GJC3: variants seen among roughly 807,000 people sequenced by gnomAD.
The protein encoded by GJC3 is gap junction protein gamma 3.
GJC3 carries 17 observed loss-of-function variants against 19.8 expected under a neutral mutation model. The observed-to-expected ratio is 0.86, with a 90% confidence interval of 0.59 to 1.29. The LOEUF is 1.29. Ranked by LOEUF, GJC3 falls within the 50% of genes most tolerant of loss-of-function variation. The pLI, the probability that GJC3 is intolerant of heterozygous loss-of-function variation, is 0.00. For missense variants in GJC3, 317 were observed against 332.5 expected (o/e 0.95, Z 0.36); for synonymous variants, 140 against 136.5 (o/e 1.03, Z -0.18).
chr7:99,929,087 T>A lies in GJC3; in HGVS notation c.534A>T (p.Ile178=). ...CAGAGGGGCGGGACAGATTGCAGGT[T>A]ATACTACCAAGGCAAGGTTCTCGGC... The part of the protein sequence containing the change: ...ACRREPCLGS[I]TCNLSRPSEK... Residue 178 remains isoleucine (I), a synonymous_variant, in exon 1 of 2, where the codon ATA becomes ATT. Coordinates refer to ENST00000312891, the MANE Select transcript of GJC3 (RefSeq NM_181538.3). 3.1e-6 allele frequency: 5 copies of A among 1,613,972 alleles called. No homozygotes were observed. Among genetic ancestry groups the A allele is most frequent in the Non-Finnish European group, 4.2e-6 (5 of 1,180,020 alleles).
chr7:99,929,030 T>C lies in GJC3; in HGVS notation c.591A>G (p.Gly197=). The stretch of plus-strand genomic sequence containing the variant: ...TAAACAAGAGACAGAAACCGCTGAC[T>C]CCAAACATGGTCTTTAGGAAAATGG... The part of the protein sequence containing the change: ...EKTIFLKTMF[G]VSGFCLLFTF... Residue 197 remains glycine, a synonymous_variant, in exon 1 of 2, where the codon GGA becomes GGG. Transcript: ENST00000312891. 1 of 1,614,098 alleles carries C rather than the reference T, an allele frequency of 6.2e-7. No homozygotes were observed.
chr7:99,924,122 G>T (rs200379913), intron 1 of GJC3, among the ~76,000 whole-genome samples: 1 of 152,168 alleles, frequency 6.6e-6, no homozygotes, highest in African/African-American at 2.4e-5. Context: ...TACAAAAACC[G>T]TCATCACATC....
At position 99,929,589 on chromosome 7, in the gene GJC3, GC is replaced by G. The variant is rs1472911086; in HGVS notation, c.31del (p.Ala11ArgfsTer89). MCGRFLRRLL[A>X]EESRRSTPVG... ...GGGGGTGGAGCGCCGGCTCTCCTCC[GC>G]CAGCAGCCGCCGCAGGAACCTGCCA... is the stretch of plus-strand genomic sequence containing the variant. On this transcript the variant is annotated frameshift_variant, in exon 1 of 2. Coordinates refer to ENST00000312891, the MANE Select transcript of GJC3 (RefSeq NM_181538.3). LOFTEE classifies it high-confidence loss of function. 2 of 1,608,458 alleles carry G rather than the reference GC, an allele frequency of 1.2e-6. No homozygotes were observed. The highest frequency in any genetic ancestry group is 2.2e-5 in the South Asian group (2 of 91,004).
At chr7:99,924,066 T>G (rs75126895) in intron 1 of GJC3, among the ~76,000 whole-genome samples, 1 of 152,080 alleles carries the variant, frequency 6.6e-6, no homozygotes, top group Admixed American at 6.5e-5. Flanking sequence ...AGAGAAGTAA[T>G]AGAAAATACA....
At chr7:99,930,333 T>C (rs749553439), upstream of GJC3, among the ~76,000 whole-genome samples, 14 of 152,142 alleles carry the variant, frequency 9.2e-5, no homozygotes, top group Non-Finnish European at 1.6e-4. Flanking sequence ...CCAGCAGAAT[T>C]TACCAGAATT....
At chr7:99,924,015 G>A (rs1819740440) in intron 1 of GJC3, among the ~76,000 whole-genome samples, 1 of 152,176 alleles carries the variant, frequency 6.6e-6, no homozygotes, top group South Asian at 2.1e-4. Flanking sequence ...GAATTATCAA[G>A]ACTATAAAGC....
At chr7:99,927,655 A>G (rs1243352775) in intron 1 of GJC3, among the ~76,000 whole-genome samples, 2 of 152,010 alleles carry the variant, frequency 1.3e-5, no homozygotes, top group East Asian at 3.8e-4. Context: ...AAAAAGGGAT[A>G]GAACAACACT....
rs149250258 is a variant in GJC3 at position 99,928,202 on chromosome 7, G to T, written c.781+638C>A. On this transcript the variant is annotated intron_variant, in intron 1 of 1. Coordinates refer to ENST00000312891, the MANE Select transcript of GJC3 (RefSeq NM_181538.3). ...GAGACAGGAAGGGGCATTATCTTCA[G>T]CAACAGGAATGCCAACAGCAGTCAT... Among the ~76,000 whole-genome samples, 1,145 of 152,342 alleles carry T rather than the reference G, an allele frequency of 7.5e-3. 15 individuals carry two copies. The highest frequency in any genetic ancestry group is 0.025 in the African/African-American group (1,052 of 41,580).
At chr7:99,929,632 G>T (rs998937182), upstream of GJC3, 2 of 1,595,426 alleles carry the variant, frequency 1.3e-6, no homozygotes, top group East Asian at 4.5e-5. Context: ...CTGTTTTGGA[G>T]CAGAGGACAA....
rs765434083 is a variant in GJC3 at position 99,929,055 on chromosome 7, G to A, written c.566C>T (p.Thr189Ile). Residue 189 changes from threonine to isoleucine, a missense_variant, in exon 1 of 2, where the codon ACC (threonine) becomes ATC (isoleucine). Transcript: ENST00000312891. ...TCNLSRPSEK[T>I]IFLKTMFGVS... is the part of the protein sequence containing the mutation. ...TCCAAACATGGTCTTTAGGAAAATGGTCTTCTCAGAGGGGCGGGACAGATT... is the reference window on the plus strand; with the variant it reads ...TCCAAACATGGTCTTTAGGAAAATGATCTTCTCAGAGGGGCGGGACAGATT... 1 of 1,614,130 alleles carries A rather than the reference G, an allele frequency of 6.2e-7. No individual in the cohort carries two copies. The highest frequency in any genetic ancestry group is 8.5e-7 in the Non-Finnish European group (1 of 1,180,030).
At chr7:99,924,515 G>T (rs1258708564) in intron 1 of GJC3, among the ~76,000 whole-genome samples, 1 of 152,176 alleles carries the variant, frequency 6.6e-6, no homozygotes, top group Non-Finnish European at 1.5e-5. Context: ...TTGAACCTGG[G>T]AGGCAGAGAT....
At chr7:99,926,699 T>C (rs1819807124) in intron 1 of GJC3, among the ~76,000 whole-genome samples, 1 of 151,836 alleles carries the variant, frequency 6.6e-6, no homozygotes, top group African/African-American at 2.4e-5. Flanking sequence ...CATGAGGGGG[T>C]AGGGTTTTTT....
intron 1 of GJC3, 97 bp from the exon 2 acceptor site, chr7:99,923,700 T>C: frequency 1.4e-6 from 1 of 724,952 alleles, no homozygotes; most frequent in Admixed American, 2.0e-5. Context: ...ACACTTTAGG[T>C]GCCACCCATG....
intron 1 of GJC3, among the ~76,000 whole-genome samples, chr7:99,926,729 T>C (rs1819808378): frequency 6.6e-6 from 1 of 152,168 alleles, no homozygotes; most frequent in Admixed American, 6.5e-5. Context: ...GAAAATGTTA[T>C]TAAATTGGTA....
intron 1 of GJC3, among the ~76,000 whole-genome samples, chr7:99,924,280 G>A (rs1401101268): frequency 6.6e-6 from 1 of 152,078 alleles, no homozygotes; most frequent in Non-Finnish European, 1.5e-5. Flanking sequence ...GTCACTATGT[G>A]CAGCCCATGC....
At position 99,929,125 on chromosome 7, in the gene GJC3, A is replaced by T. The variant is rs1246441966; in HGVS notation, c.496T>A (p.Ser166Thr). The T allele has an allele frequency of 6.2e-7, 1 of 1,613,782 alleles. No individual in the cohort carries two copies. The highest frequency in any genetic ancestry group is 1.3e-5 in the African/African-American group (1 of 74,892). The part of the protein sequence containing the change: ...YHLYGFQMPS[S>T]FACRREPCLG... Reference sequence around the variant, plus strand: ...CAAGGTTCTCGGCGACATGCAAAGGAGCTGGGCATCTGGAACCCATACAGG... The same window carrying T: ...CAAGGTTCTCGGCGACATGCAAAGGTGCTGGGCATCTGGAACCCATACAGG... The change falls in exon 1 of 2, where the codon TCC becomes ACC. Residue 166 changes from serine (S) to threonine (T), a missense_variant. Coordinates refer to ENST00000312891, the MANE Select transcript of GJC3 (RefSeq NM_181538.3).
intron 1 of GJC3, among the ~76,000 whole-genome samples, chr7:99,927,679 G>A (rs1467692512): frequency 2.6e-5 from 4 of 151,900 alleles, no homozygotes; most frequent in African/African-American, 9.7e-5. Context: ...CAACAGAAAT[G>A]ACTAAGAGAC....
At chr7:99,923,662 C>A (rs879097693) in intron 1 of GJC3, 59 bp from the exon 2 acceptor site, 2 of 767,134 alleles carry the variant, frequency 2.6e-6, no homozygotes, top group Non-Finnish European at 4.9e-6. Flanking sequence ...TTTCACAGTG[C>A]GTACCCAAAA....
Position 99,929,557 on chromosome 7 carries a change from G to GC in GJC3, c.63dup (p.Arg22AlafsTer25). ...CCCAGGAGCACGGGAAGCAAGAGGC[G>GC]CCCCACGGGGGTGGAGCGCCGGCTC... On this transcript the variant is annotated frameshift_variant, in exon 1 of 2. Transcript: ENST00000312891. LOFTEE classifies it high-confidence loss of function. 3 of 1,612,958 alleles carry GC rather than the reference G, an allele frequency of 1.9e-6. No individual in the cohort carries two copies. Among genetic ancestry groups the GC allele is most frequent in the Non-Finnish European group, 2.5e-6 (3 of 1,179,920 alleles).
Sources: gnomAD v4.1 joint callset for allele counts (sites outside exome capture counted in the v4.1 genomes callset) on GRCh38, gnomAD v4.1.1 for gene constraint, MANE v1.5 for transcripts, NCBI Gene and HGNC (gene_info 2026-07-23, HGNC 2026-07-21) for gene names.